Variants in GLRX3 observed in about 807,000 individuals in gnomAD.
GLRX3 encodes glutaredoxin-3.
GLRX3 carries 22 observed loss-of-function variants against 49.5 expected under a neutral mutation model. The ratio of observed to expected loss-of-function variants is 0.44; its 90% CI spans 0.32 to 0.63. The LOEUF is 0.63. Ranked by LOEUF, GLRX3 falls within the 30% of genes least tolerant of loss-of-function variation. The pLI, the probability that GLRX3 is intolerant of heterozygous loss-of-function variation, is 0.05. For synonymous variants in GLRX3, 133 were observed against 140.0 expected (o/e 0.95, Z 0.35); for missense variants, 385 against 396.3 (o/e 0.97, Z 0.24).
intron 1 of GLRX3, among the ~76,000 whole-genome samples, chr10:130,144,816 A>G (rs1447438306): frequency 1.3e-5 from 2 of 152,230 alleles, no homozygotes; most frequent in South Asian, 2.1e-4. Context: ...TCTTTTGGGT[A>G]TATACCCAGT....
chr10:130,143,761 G>C (rs1346155478), intron 1 of GLRX3, among the ~76,000 whole-genome samples: 1 of 151,216 alleles, frequency 6.6e-6, no homozygotes, highest in African/African-American at 2.4e-5. Context: ...GCAGTGGTGT[G>C]ATCTCAGCTC....
At position 130,136,632 on chromosome 10, in the gene GLRX3, T is replaced by C. The variant is rs1453933940; in HGVS notation, c.92+120T>C. 9.4e-6 allele frequency: 11 copies of C among 1,165,386 alleles called. No individual in the cohort carries two copies. The East Asian group carries it at 3.5e-4, about 37-fold the overall frequency. The allele number at this position is 1,165,386 out of a possible 1,614,324, so 72.2% of individuals were successfully genotyped here. On this transcript the variant is annotated intron_variant, in intron 1 of 10. Transcript: ENST00000331244. Reference sequence around the variant, plus strand: ...TCTTGGTGCCCGGCTCCCTTCGGCCTCGGGGGACCGGGCCCGGCGCCACCC... The same window carrying C: ...TCTTGGTGCCCGGCTCCCTTCGGCCCCGGGGGACCGGGCCCGGCGCCACCC...
intron 10 of GLRX3, among the ~76,000 whole-genome samples, chr10:130,177,814 T>A (rs1862952073): frequency 6.6e-6 from 1 of 152,224 alleles, no homozygotes; most frequent in Admixed American, 6.5e-5. Flanking sequence ...TTGAATTTCA[T>A]CCAGAGGAGG....
intron 2 of GLRX3, among the ~76,000 whole-genome samples, chr10:130,157,336 A>G (rs1355975630): frequency 0.012 from 704 of 60,444 alleles, 3 homozygotes; most frequent in African/African-American, 0.041. Flanking sequence ...TCCAGGAGGG[A>G]GGGATGGGGC....
intron 2 of GLRX3, among the ~76,000 whole-genome samples, chr10:130,147,984 G>A (rs1330132340): frequency 2.0e-5 from 3 of 152,226 alleles, no homozygotes; most frequent in Non-Finnish European, 2.9e-5. Flanking sequence ...GTCTCAAGGC[G>A]GTCACACCAC....
chr10:130,146,290 G>A (rs971696443), intron 2 of GLRX3, among the ~76,000 whole-genome samples: 6 of 152,128 alleles, frequency 3.9e-5, no homozygotes, highest in African/African-American at 1.2e-4. Context: ...ATTCAGGAAG[G>A]GGTATGTAAA....
At position 130,174,894 on chromosome 10, in the gene GLRX3, G is replaced by A; in HGVS notation, c.852G>A (p.Leu284=). 6.3e-7 allele frequency: 1 copy of A among 1,598,542 alleles called. No individual in the cohort carries two copies. The highest frequency in any genetic ancestry group is 8.6e-7 in the Non-Finnish European group (1 of 1,165,870). Residue 284 remains leucine (L), a synonymous_variant, in exon 9 of 11, where the codon TTG becomes TTA. Transcript: ENST00000331244. ...TTGAATATGAAACATTCGATATATT[G>A]GAGGATGAAGAAGTAAGTTCTGTGT... is the stretch of plus-strand genomic sequence containing the variant. ...TGVEYETFDI[L]EDEEVRQGLK...
intron 2 of GLRX3, among the ~76,000 whole-genome samples, chr10:130,158,489 T>G (rs1862518702): frequency 6.6e-6 from 1 of 152,228 alleles, no homozygotes; most frequent in African/African-American, 2.4e-5. Context: ...TATTGCCTTT[T>G]TTTTGGATTT....
intron 4 of GLRX3, among the ~76,000 whole-genome samples, chr10:130,166,114 T>A (rs1000309284): frequency 6.6e-6 from 1 of 152,230 alleles, no homozygotes; most frequent in Non-Finnish European, 1.5e-5. Context: ...GTTGCCTCAG[T>A]TTCCCCAGTC....
chr10:130,170,746 C>T (rs1862790611), intron 7 of GLRX3, among the ~76,000 whole-genome samples: 1 of 152,012 alleles, frequency 6.6e-6, no homozygotes, highest in Admixed American at 6.6e-5. Context: ...GGTACCATAT[C>T]TTTTCCACAA....
chr10:130,147,552 C>T (rs959198095), intron 2 of GLRX3, among the ~76,000 whole-genome samples: 39 of 152,140 alleles, frequency 2.6e-4, no homozygotes, highest in Non-Finnish European at 1.0e-4. Context: ...ATGATGACAG[C>T]GTAAGATTGG....
At chr10:130,174,279 G>A (rs948847402) in intron 8 of GLRX3, among the ~76,000 whole-genome samples, 3 of 152,224 alleles carry the variant, frequency 2.0e-5, no homozygotes, top group East Asian at 1.9e-4. Flanking sequence ...TCCAGCCTCC[G>A]TCCACGAGCA....
intron 1 of GLRX3, among the ~76,000 whole-genome samples, chr10:130,137,985 C>T (rs980885340): frequency 6.6e-6 from 1 of 152,156 alleles, no homozygotes; most frequent in African/African-American, 2.4e-5. Context: ...ATCTGCCCTC[C>T]TCAGCCTCCC....
intron 1 of GLRX3, among the ~76,000 whole-genome samples, chr10:130,144,080 TG>T (rs1862224365): frequency 6.6e-6 from 1 of 152,232 alleles, no homozygotes; most frequent in South Asian, 2.1e-4. Context: ...TTCCTCGTTT[TG>T]CACTGGCATG....
chr10:130,163,945 G>A (rs1201845392), intron 4 of GLRX3, among the ~76,000 whole-genome samples: 5 of 152,152 alleles, frequency 3.3e-5, no homozygotes, highest in African/African-American at 4.8e-5. Flanking sequence ...CTCCCACTGC[G>A]GAGTATTTTG....
chr10:130,152,056 T>C (rs933083487), intron 2 of GLRX3, among the ~76,000 whole-genome samples: 6 of 152,052 alleles, frequency 3.9e-5, no homozygotes, highest in Non-Finnish European at 8.8e-5. Context: ...AGTCTCACTC[T>C]ATTGCCCAGG....
intron 1 of GLRX3, among the ~76,000 whole-genome samples, chr10:130,143,584 A>G (rs375577385): frequency 6.6e-6 from 1 of 152,028 alleles, no homozygotes; most frequent in African/African-American, 2.4e-5. Flanking sequence ...ACTGGAGTGT[A>G]GTGGTATGAT....
chr10:130,154,400 C>T (rs1039357987), intron 2 of GLRX3, among the ~76,000 whole-genome samples: 1 of 152,156 alleles, frequency 6.6e-6, no homozygotes, highest in South Asian at 2.1e-4. Flanking sequence ...ATGGAGAAGT[C>T]ACTCATCTTC....
At chr10:130,163,434 A>T (rs1342502175) in intron 4 of GLRX3, among the ~76,000 whole-genome samples, 1 of 152,166 alleles carries the variant, frequency 6.6e-6, no homozygotes, top group Non-Finnish European at 1.5e-5. Flanking sequence ...AACAAAACAA[A>T]ACACATTTCA....
Sources: gnomAD v4.1 joint callset for allele counts (sites outside exome capture counted in the v4.1 genomes callset) on GRCh38, gnomAD v4.1.1 for gene constraint, MANE v1.5 for transcripts, NCBI Gene and HGNC (gene_info 2026-07-23, HGNC 2026-07-21) for gene names.